The following CCDC9 variants were observed in gnomAD, a reference collection of about 807,000 sequenced individuals.
CCDC9 encodes the protein coiled-coil domain containing 9.
In CCDC9, 52 loss-of-function variants were observed where a neutral mutation model predicts 65.6. That is an observed-to-expected ratio of 0.79 (90% CI 0.63 to 1.00). CCDC9 has a LOEUF of 1.00. CCDC9 is among the 50% of genes least tolerant of loss of function. CCDC9 has a pLI of 0.00. For missense variants in CCDC9, 834 were observed against 757.2 expected, an observed-to-expected ratio of 1.10 and a Z score of -1.19; for synonymous variants, 332 against 280.3, an observed-to-expected ratio of 1.18 and a Z score of -1.84.
chr19:47,271,147 C>T lies in CCDC9; in HGVS notation c.1151C>T (p.Pro384Leu), dbSNP rs1320013807. Residue 384 changes from proline to leucine, a missense_variant, in exon 11 of 12, where the codon CCT (proline) becomes CTT (leucine). Transcript: ENST00000221922. The part of the protein sequence containing the change: ...AASPAPETPQ[P>L]TSPETSPKET... Reference sequence around the variant, plus strand: ...TCCCCAGCCCCTGAGACTCCACAGCCTACTTCCCCCGAGACTTCCCCCAAG... The same window carrying T: ...TCCCCAGCCCCTGAGACTCCACAGCTTACTTCCCCCGAGACTTCCCCCAAG... The T allele has an allele frequency of 8.2e-6, 13 of 1,589,440 alleles. No individual in the cohort carries two copies. The highest frequency in any genetic ancestry group is 1.0e-5 in the Non-Finnish European group (12 of 1,169,718).
downstream of CCDC9, chr19:47,273,528 T>C: frequency 2.1e-6 from 1 of 486,192 alleles, no homozygotes; most frequent in Non-Finnish European, 3.3e-6. Context: ...CTCTGTCCTC[T>C]GCTTCTGCCA....
chr19:47,272,113 C>A, downstream of CCDC9: 1 of 1,236,118 alleles, frequency 8.1e-7, no homozygotes, highest in Non-Finnish European at 1.0e-6. Context: ...TGGGCCCAGC[C>A]TCCGAGGAAC....
chr19:47,268,184 A>T (rs1484680641), intron 8 of CCDC9, among the ~76,000 whole-genome samples: 1 of 152,032 alleles, frequency 6.6e-6, no homozygotes, highest in Non-Finnish European at 1.5e-5. Flanking sequence ...GTTAACCTCA[A>T]GTTTGACTTT....
In CCDC9 at chr19:47,271,490, C is replaced by T. The variant is rs150374094; in HGVS notation, c.1408C>T (p.Pro470Ser). Residue 470 changes from proline to serine, a missense_variant, in exon 12 of 12, where the codon CCC becomes TCC. Coordinates refer to ENST00000221922, the MANE Select transcript of CCDC9 (RefSeq NM_015603.3). The part of the protein sequence containing the change: ...IPCSEQAHGV[P>S]FSPEEPLLEP... Reference sequence around the variant, plus strand: ...CTGCAGTGAGCAGGCCCACGGAGTCCCCTTCAGTCCGGAGGAGCCCCTGCT... The same window carrying T: ...CTGCAGTGAGCAGGCCCACGGAGTCTCCTTCAGTCCGGAGGAGCCCCTGCT... 4.3e-6 allele frequency: 7 copies of T among 1,613,038 alleles called. No homozygotes were observed. The African/African-American group carries it at 5.3e-5, about 12-fold the overall frequency.
At chr19:47,261,936 G>C (rs1000171253) in intron 5 of CCDC9, among the ~76,000 whole-genome samples, 5 of 149,070 alleles carry the variant, frequency 3.4e-5, no homozygotes, top group Non-Finnish European at 7.4e-5. Flanking sequence ...CAGAAGAATT[G>C]CTTGAACCTG....
chr19:47,266,856 C>A, intron 8 of CCDC9, 64 bp downstream of exon 8: 1 of 1,528,440 alleles, frequency 6.5e-7, no homozygotes, highest in East Asian at 2.5e-5. Context: ...CTTCTAAGTC[C>A]TATGCCTCTC....
chr19:47,257,039 G>A (rs1408309204), intron 1 of CCDC9, among the ~76,000 whole-genome samples: 1 of 149,650 alleles, frequency 6.7e-6, no homozygotes, highest in African/African-American at 2.5e-5. Flanking sequence ...ACAATGTAGT[G>A]GGGGAGCCAG....
In CCDC9 at chr19:47,264,547, A is replaced by C. The variant is rs2059067621; in HGVS notation, c.463-56A>C. ...GCCTGCTGGGCAGCCCGTCTCCTGC[A>C]CCGGCAGCTTAATAGTTCTCCCTGA... On this transcript the variant is annotated intron_variant, in intron 5 of 11. Coordinates refer to ENST00000221922, the MANE Select transcript of CCDC9 (RefSeq NM_015603.3). The C allele has an allele frequency of 2.0e-6, 3 of 1,508,770 alleles. No homozygotes were observed. In the South Asian group the frequency reaches 3.6e-5, roughly 18 times the overall value. 93.5% of individuals were successfully genotyped at this position (1,508,770 alleles called of 1,614,324 possible). A position where few individuals can be genotyped will look rare whatever the true frequency, so the allele number is the denominator to read the frequency against.
chr19:47,262,125 C>A (rs1014352343), intron 5 of CCDC9, among the ~76,000 whole-genome samples: 4 of 151,728 alleles, frequency 2.6e-5, no homozygotes, highest in African/African-American at 9.7e-5. Flanking sequence ...TTATTTCTCC[C>A]TTGTATGCTG....
At position 47,264,771 on chromosome 19, in the gene CCDC9, A is replaced by C; in HGVS notation, c.547-2A>C. The stretch of plus-strand genomic sequence containing the variant: ...GCCAACCCCCTGCTCTGCTGCCTGC[A>C]GGAAGGGGTTCTTGAACCCAACCCA... On this transcript the variant is annotated splice_acceptor_variant, in intron 6 of 11. Coordinates refer to ENST00000221922, the MANE Select transcript of CCDC9 (RefSeq NM_015603.3). LOFTEE classifies it high-confidence loss of function. 1.2e-6 allele frequency: 2 copies of C among 1,605,414 alleles called. No homozygotes were observed. Among genetic ancestry groups the C allele is most frequent in the Non-Finnish European group, 1.7e-6 (2 of 1,175,520 alleles).
At chr19:47,274,850 G>A (rs2059146375), downstream of CCDC9, 2 of 1,111,378 alleles carry the variant, frequency 1.8e-6, no homozygotes, top group African/African-American at 3.5e-5. Flanking sequence ...GCGGTCTGCG[G>A]GGTGGGGGCG....
chr19:47,274,912 CTGCGGGGA>C, downstream of CCDC9: 2 of 1,304,404 alleles, frequency 1.5e-6, no homozygotes, highest in Non-Finnish European at 1.9e-6. Flanking sequence ...GCCGAGTGGG[CTGCGGGGA>C]TGCGGGGGAC....
intron 5 of CCDC9, among the ~76,000 whole-genome samples, chr19:47,263,847 A>G (rs1284902171): frequency 2.0e-5 from 3 of 151,422 alleles, no homozygotes; most frequent in Admixed American, 2.0e-4. Flanking sequence ...TACAGGCGTG[A>G]GCCACTGTGC....
chr19:47,264,980 T>C, intron 7 of CCDC9, 34 bp downstream of exon 7: 1 of 1,425,444 alleles, frequency 7.0e-7, no homozygotes, highest in Non-Finnish European at 9.2e-7. Flanking sequence ...CTCGGGGCTC[T>C]CAGGGCTTTG....
intron 7 of CCDC9, among the ~76,000 whole-genome samples, chr19:47,265,207 A>T (rs1010381949): frequency 6.6e-5 from 10 of 151,980 alleles, no homozygotes; most frequent in Non-Finnish European, 1.0e-4. Flanking sequence ...GGCAAGTGCC[A>T]CCACACCTGG....
chr19:47,272,143 G>T, downstream of CCDC9: 1 of 1,236,556 alleles, frequency 8.1e-7, no homozygotes, highest in Non-Finnish European at 1.0e-6. Flanking sequence ...TGAAGAGGAA[G>T]GGTCTGAGGC....
At chr19:47,266,120 C>T (rs1034368327) in intron 7 of CCDC9, among the ~76,000 whole-genome samples, 18 of 150,350 alleles carry the variant, frequency 1.2e-4, no homozygotes, top group Non-Finnish European at 1.8e-4. Context: ...CTCAGCCTCC[C>T]GAAAAGCTGG....
At chr19:47,264,457 A>T (rs1163848023) in intron 5 of CCDC9, 146 bp from the exon 6 acceptor site, 9 of 726,532 alleles carry the variant, frequency 1.2e-5, no homozygotes, top group African/African-American at 3.5e-5. Flanking sequence ...TTCACTGCTG[A>T]CCTGGAGCAC....
chr19:47,272,119 G>A (rs2059127994), downstream of CCDC9: 1 of 1,236,342 alleles, frequency 8.1e-7, no homozygotes, highest in Non-Finnish European at 1.0e-6. Context: ...CAGCCTCCGA[G>A]GAACCCAGGA....
Sources: gnomAD v4.1 joint callset for allele counts (sites outside exome capture counted in the v4.1 genomes callset) on GRCh38, gnomAD v4.1.1 for gene constraint, MANE v1.5 for transcripts, NCBI Gene and HGNC (gene_info 2026-07-23, HGNC 2026-07-21) for gene names.